Variants in ABRAXAS1 observed in about 807,000 individuals in gnomAD.
ABRAXAS1 encodes the protein BRCA1-A complex subunit Abraxas 1.
In ABRAXAS1, 26 loss-of-function variants were observed where a neutral mutation model predicts 38.4. That is an observed-to-expected ratio of 0.68 (90% confidence interval 0.50 to 0.94). The LOEUF (loss-of-function observed/expected upper bound fraction) is 0.94. Among genes scored for constraint, ABRAXAS1 ranks in the 40% least tolerant of loss-of-function variants. ABRAXAS1 has a pLI of 0.00. For missense variants in ABRAXAS1, 438 were observed against 481.9 expected (o/e 0.91, Z 0.85); for synonymous variants, 144 against 165.5 (o/e 0.87, Z 1.00).
chr4:83,483,766 A>T (rs1460821047), intron 1 of ABRAXAS1, among the ~76,000 whole-genome samples: 1 of 152,070 alleles, frequency 6.6e-6, no homozygotes, highest in Non-Finnish European at 1.5e-5. Flanking sequence ...CCACCCTTTA[A>T]AGACTTCAGG....
chr4:83,484,114 C>A (rs1723092471), intron 1 of ABRAXAS1: 2 of 949,846 alleles, frequency 2.1e-6, no homozygotes, highest in Admixed American at 6.2e-5. Context: ...GTGATTCACC[C>A]GCCTCGGCTT....
intron 7 of ABRAXAS1, among the ~76,000 whole-genome samples, chr4:83,465,433 G>GTATACATA (rs1722318483): frequency 6.6e-6 from 1 of 151,744 alleles, no homozygotes; most frequent in Admixed American, 6.6e-5. Context: ...CTATATCAAA[G>GTATACATA]TATACATATA....
Position 83,460,974 on chromosome 4 carries a change from T to G in ABRAXAS1, c.*1495A>C. On this transcript the variant is annotated 3_prime_UTR_variant, in exon 9 of 9. Coordinates refer to ENST00000321945, the MANE Select transcript of ABRAXAS1 (RefSeq NM_139076.3). ...ATAAGAAAGCTTTTTATTTTACAGG[T>G]CTTTGTGGGAAGAAACAGAAAGAAA... 6.2e-7 allele frequency: 1 copy of G among 1,603,748 alleles called. No individual in the cohort carries two copies. Among genetic ancestry groups the G allele is most frequent in the Non-Finnish European group, 8.5e-7 (1 of 1,177,234 alleles).
Position 83,462,783 on chromosome 4 carries a change from C to T in ABRAXAS1, c.916G>A (p.Val306Ile). The stretch of plus-strand genomic sequence containing the variant: ...TTGTAGTTACAGCTACTTTTAGAAA[C>T]ATGTCTATTTTTTAAAGACATAACA... ...SCVMSLKNRH[V>I]SKSSCNYNHH... Residue 306 changes from valine (V) to isoleucine (I), a missense_variant, in exon 9 of 9, where the codon GTT becomes ATT. By Grantham distance (29) the Val-to-Ile change is conservative (BLOSUM62 3). This residue lies in a region of ABRAXAS1 where 184 missense variants were observed against 181.9 expected (regional missense o/e 1.01). Transcript: ENST00000321945. 2 of 1,613,948 alleles carry T rather than the reference C, an allele frequency of 1.2e-6. No individual in the cohort carries two copies. The highest frequency in any genetic ancestry group is 1.7e-6 in the Non-Finnish European group (2 of 1,179,946).
intron 1 of ABRAXAS1, among the ~76,000 whole-genome samples, chr4:83,482,521 C>A (rs1347515558): frequency 6.6e-6 from 1 of 152,130 alleles, no homozygotes; most frequent in Admixed American, 6.5e-5. Context: ...CTAGCCTGGG[C>A]AACAGGGTAA....
rs77798442 is a variant in ABRAXAS1, at chr4:83,471,621, C to G, written c.282+601G>C. 1.0e-3 allele frequency among the ~76,000 whole-genome samples: 153 copies of G among 152,238 alleles called. 2 individuals carry two copies. The East Asian group carries it at 0.024, about 24-fold the overall frequency. On this transcript the variant is annotated intron_variant, in intron 4 of 8. Coordinates refer to ENST00000321945, the MANE Select transcript of ABRAXAS1 (RefSeq NM_139076.3). Reference sequence around the variant, plus strand: ...GAAAAAATCCATTTTGATCATTCAACAACTTTTAACCAAACACAAAGTATG... The same window carrying G: ...GAAAAAATCCATTTTGATCATTCAAGAACTTTTAACCAAACACAAAGTATG...
In ABRAXAS1 at chr4:83,469,120, T is replaced by G. The variant is rs141624154; in HGVS notation, c.508A>C (p.Asn170His). Residue 170 changes from asparagine (N) to histidine (H), a missense_variant, in exon 6 of 9, where the codon AAT (asparagine) becomes CAT (histidine). Transcript: ENST00000321945. Reference protein sequence around the residue: ...LFHRVPLVVANLGMSEQLGYK... With the variant: ...LFHRVPLVVAHLGMSEQLGYK... ...CCCAGTTGTTCAGACATGCCCAGAT[T>G]GGCAACCACTAAAGGTACCCTGTGA... is the stretch of plus-strand genomic sequence containing the variant. 6 of 1,613,942 alleles carry G rather than the reference T, an allele frequency of 3.7e-6. No individual in the cohort carries two copies. The highest frequency in any genetic ancestry group is 5.1e-6 in the Non-Finnish European group (6 of 1,179,904).
chr4:83,467,070 A>G (rs1722389050), intron 7 of ABRAXAS1: 1 of 165,472 alleles, frequency 6.0e-6, no homozygotes, highest in African/African-American at 2.4e-5. Flanking sequence ...GAATAATGAC[A>G]TCTCGTTCAA....
chr4:83,461,263 T>C lies in ABRAXAS1; in HGVS notation c.*1206A>G, dbSNP rs919478967. 8.0e-6 allele frequency: 11 copies of C among 1,371,176 alleles called. No homozygotes were observed. Among genetic ancestry groups the C allele is most frequent in the Non-Finnish European group, 1.1e-5 (11 of 963,250 alleles). 84.9% of individuals were successfully genotyped at this position (1,371,176 alleles called of 1,614,324 possible). A position where few individuals can be genotyped will look rare whatever the true frequency, so the allele number is the denominator to read the frequency against. The stretch of plus-strand genomic sequence containing the variant: ...GTGGTTGTATGATGCCAATACTGAC[T>C]CAAACCAACCTTTGGATAGAAAAGT... On this transcript the variant is annotated 3_prime_UTR_variant, in exon 9 of 9. Transcript: ENST00000321945.
chr4:83,461,410 G>T lies in ABRAXAS1; in HGVS notation c.*1059C>A. ...CTATGTTGAATAAAAGTGGTTCTGT[G>T]TGATTGTCATTTATATCTGATCCCC... On this transcript the variant is annotated 3_prime_UTR_variant, in exon 9 of 9. Transcript: ENST00000321945. 1 of 504,904 alleles carries T rather than the reference G, an allele frequency of 2.0e-6. No homozygotes were observed. Among genetic ancestry groups the T allele is most frequent in the Non-Finnish European group, 3.6e-6 (1 of 278,280 alleles). The allele number at this position is 504,904 out of a possible 1,614,324, so 31.3% of individuals were successfully genotyped here.
intron 3 of ABRAXAS1, among the ~76,000 whole-genome samples, chr4:83,474,012 C>G (rs1180578153): frequency 6.6e-6 from 1 of 150,908 alleles, no homozygotes; most frequent in African/African-American, 2.4e-5. Context: ...CGTGGTGGTG[C>G]AGGCCTGTGG....
intron 1 of ABRAXAS1, chr4:83,483,949 A>T (rs1341014549): frequency 1.2e-6 from 1 of 844,696 alleles, no homozygotes; most frequent in African/African-American, 1.9e-5. Flanking sequence ...TTTATTAGGT[A>T]TTACTTTGTA....
At chr4:83,477,869 C>T (rs1722839892) in intron 2 of ABRAXAS1, 2 of 749,562 alleles carry the variant, frequency 2.7e-6, no homozygotes, top group Non-Finnish European at 4.9e-6. Flanking sequence ...AGATGAAACT[C>T]TTTTAATCAA....
At chr4:83,480,199 T>C (rs530082265) in intron 2 of ABRAXAS1, 3 of 239,754 alleles carry the variant, frequency 1.3e-5, no homozygotes, top group African/African-American at 7.1e-5. Flanking sequence ...TGAAACCCCA[T>C]CTCTACTAAA....
chr4:83,459,590 G>A lies in ABRAXAS1; in HGVS notation c.*2879C>T. 1.6e-6 allele frequency: 1 copy of A among 639,008 alleles called. No individual in the cohort carries two copies. The allele number at this position is 639,008 out of a possible 1,614,324, so 39.6% of individuals were successfully genotyped here. ...AGAAAATATTTAAAAGGTAACAGGA[G>A]GATAACAATATTTTTTTCTTATATT... On this transcript the variant is annotated 3_prime_UTR_variant, in exon 9 of 9. Transcript: ENST00000321945.
intron 7 of ABRAXAS1, among the ~76,000 whole-genome samples, chr4:83,465,425 A>G (rs1340158244): frequency 1.3e-5 from 2 of 152,196 alleles, no homozygotes; most frequent in East Asian, 3.8e-4. Flanking sequence ...ACTATTGACT[A>G]TATCAAAGTA....
At chr4:83,479,209 C>T (rs990580823) in intron 2 of ABRAXAS1, 1 of 152,126 alleles carries the variant, frequency 6.6e-6, no homozygotes, top group African/African-American at 2.4e-5. Context: ...TTGAGACCAG[C>T]TTGGCCAAGA....
intron 7 of ABRAXAS1, among the ~76,000 whole-genome samples, chr4:83,466,567 G>A (rs72652787): frequency 0.36 from 53,394 of 149,242 alleles, 11,100 homozygotes; most frequent in East Asian, 0.66. Flanking sequence ...ACGGAGTCTC[G>A]TTCTGTTGCC....
chr4:83,472,259 T>C lies in ABRAXAS1; in HGVS notation c.245A>G (p.Glu82Gly). The C allele has an allele frequency of 6.5e-7, 1 of 1,531,342 alleles. No homozygotes were observed. Among genetic ancestry groups the C allele is most frequent in the Non-Finnish European group, 8.8e-7 (1 of 1,138,586 alleles). The allele number at this position is 1,531,342 out of a possible 1,614,324, so 94.9% of individuals were successfully genotyped here. A position where few individuals can be genotyped will look rare whatever the true frequency, so the allele number is the denominator to read the frequency against. ...TGATAATATTTTCTTCAGTGCTTGC[T>C]CATTTACTTCGCCTGAAGAATTATA... The part of the protein sequence containing the change: ...SFYNSSGEVN[E>G]QALKKILSNV... Residue 82 changes from glutamate (E) to glycine (G), a missense_variant, in exon 4 of 9, where the codon GAG becomes GGG. Coordinates refer to ENST00000321945, the MANE Select transcript of ABRAXAS1 (RefSeq NM_139076.3).
Sources: allele counts gnomAD v4.1 joint callset (sites outside exome capture counted in the v4.1 genomes callset), GRCh38; gene constraint gnomAD v4.1.1; regional missense constraint gnomAD v4.1.1; transcripts MANE v1.5; gene names NCBI Gene and HGNC (gene_info 2026-07-23, HGNC 2026-07-21).